TESMIN: variants seen among roughly 807,000 people sequenced by gnomAD.
TESMIN encodes testis expressed metallothionein like protein, also known as CXC domain containing 2.
In TESMIN, 34 loss-of-function variants were observed where a neutral mutation model predicts 47.4. That is an observed-to-expected ratio of 0.72 (90% CI 0.55 to 0.96). The LOEUF is 0.96. Among genes scored for constraint, TESMIN ranks in the 40% least tolerant of loss-of-function variants. The probability of loss-of-function intolerance (pLI) is 0.00; values close to 1 mark genes in which losing one functional copy is unlikely to be tolerated. For missense variants in TESMIN, 610 were observed against 637.2 expected (o/e 0.96, Z 0.46); for synonymous variants, 278 against 258.9 (o/e 1.07, Z -0.71).
chr11:68,706,045 A>G (rs1348702276), downstream of TESMIN, among the ~76,000 whole-genome samples: 1 of 142,606 alleles, frequency 7.0e-6, no homozygotes, highest in Non-Finnish European at 1.5e-5. Context: ...AAAAAAAAAA[A>G]GATATGGTTA....
intron 6 of TESMIN, chr11:68,732,716 T>G (rs557762083): frequency 5.8e-4 from 88 of 152,424 alleles, no homozygotes; most frequent in African/African-American, 1.7e-3. Flanking sequence ...GTATATGGCC[T>G]CGTAGACTAA....
At chr11:68,711,458 T>TGTGA (rs528173395) in intron 8 of TESMIN, among the ~76,000 whole-genome samples, 51 of 145,254 alleles carry the variant, frequency 3.5e-4, no homozygotes, top group African/African-American at 1.2e-3. Flanking sequence ...TGTGTGTGTG[T>TGTGA]GACCTGCAGT....
At chr11:68,733,639 T>G (rs1789931376) in intron 6 of TESMIN, 1 of 152,236 alleles carries the variant, frequency 6.6e-6, no homozygotes. Flanking sequence ...TAATGAAGGA[T>G]TTGTGATTAC....
downstream of TESMIN, among the ~76,000 whole-genome samples, chr11:68,704,964 G>A (rs1000865748): frequency 2.6e-5 from 4 of 152,166 alleles, no homozygotes; most frequent in Non-Finnish European, 5.9e-5. Context: ...GGCTGGGGCC[G>A]GGCAGTGCTC....
In TESMIN at chr11:68,710,544, A is replaced by G. The variant is rs149412116; in HGVS notation, c.1334+330T>C. 653 of 260,896 alleles carry G rather than the reference A, an allele frequency of 2.5e-3. 4 individuals are homozygous for G. Among genetic ancestry groups the G allele is most frequent in the African/African-American group, 0.014 (613 of 45,066 alleles). 16.2% of individuals were successfully genotyped at this position (260,896 alleles called of 1,614,324 possible). ...CTGCGCTGGGTCGTTGTGGCTCTAT[A>G]TTAACGCAAAGGCAGTGTCAGAACT... is the stretch of plus-strand genomic sequence containing the variant. On this transcript the variant is annotated intron_variant, in intron 9 of 9. Coordinates refer to ENST00000255087, the MANE Select transcript of TESMIN (RefSeq NM_004923.3).
Position 68,746,603 on chromosome 11 carries a change from C to G in TESMIN, c.630+605G>C, listed in dbSNP as rs140887406. Among the ~76,000 whole-genome samples, 474 of 152,330 alleles carry G rather than the reference C, an allele frequency of 3.1e-3. 2 individuals carry two copies. The highest frequency in any genetic ancestry group is 0.011 in the African/African-American group (455 of 41,554). ...GGAATGCTGTGGGCGACACTCTCCC[C>G]ATTCCTAGTCCTTGCCACGTGAGAT... On this transcript the variant is annotated intron_variant, in intron 3 of 9. Coordinates refer to ENST00000255087, the MANE Select transcript of TESMIN (RefSeq NM_004923.3).
intron 9 of TESMIN, 29 bp downstream of exon 9, chr11:68,710,845 A>G (rs879924948): frequency 5.7e-6 from 9 of 1,574,900 alleles, no homozygotes; most frequent in Non-Finnish European, 7.8e-6. Context: ...TGTTCCCTCT[A>G]TTAGCAGAGG....
At chr11:68,730,970 G>A (rs565813581) in intron 6 of TESMIN, among the ~76,000 whole-genome samples, 2 of 152,198 alleles carry the variant, frequency 1.3e-5, no homozygotes, top group South Asian at 4.2e-4. Flanking sequence ...AAAAGGTTGG[G>A]GTACATTGTT....
At chr11:68,735,399 C>A (rs944025844) in intron 6 of TESMIN, among the ~76,000 whole-genome samples, 1 of 152,172 alleles carries the variant, frequency 6.6e-6, no homozygotes, top group East Asian at 1.9e-4. Flanking sequence ...AGTGGGGACC[C>A]ACTGTAACTG....
chr11:68,705,574 C>A (rs1169730193), downstream of TESMIN, among the ~76,000 whole-genome samples: 1 of 152,180 alleles, frequency 6.6e-6, no homozygotes, highest in East Asian at 1.9e-4. Flanking sequence ...GCGATTTCAG[C>A]GCGTGTCATT....
intron 6 of TESMIN, among the ~76,000 whole-genome samples, chr11:68,716,170 T>C (rs1265777970): frequency 6.6e-6 from 1 of 152,252 alleles, no homozygotes; most frequent in Non-Finnish European, 1.5e-5. Context: ...TGTTTCATAA[T>C]ATAGGATTTT....
At chr11:68,718,391 C>T (rs573520359) in intron 6 of TESMIN, among the ~76,000 whole-genome samples, 1 of 152,082 alleles carries the variant, frequency 6.6e-6, no homozygotes, top group African/African-American at 2.4e-5. Flanking sequence ...TTAAAAATCT[C>T]AGGATATGAA....
intron 7 of TESMIN, among the ~76,000 whole-genome samples, chr11:68,714,256 C>A (rs915496512): frequency 1.3e-5 from 2 of 152,212 alleles, no homozygotes; most frequent in Non-Finnish European, 2.9e-5. Context: ...TGCTGGACAG[C>A]CCCAGCCTGC....
intron 6 of TESMIN, among the ~76,000 whole-genome samples, chr11:68,723,381 A>G (rs1006309686): frequency 1.3e-4 from 20 of 151,744 alleles, no homozygotes; most frequent in African/African-American, 4.6e-4. Flanking sequence ...AGCGGATGAT[A>G]GTGAAAGTAC....
chr11:68,748,023 C>T (rs779578496), intron 2 of TESMIN, among the ~76,000 whole-genome samples: 1 of 152,326 alleles, frequency 6.6e-6, no homozygotes. Flanking sequence ...GGGAAACCCA[C>T]GCTTTGCATC....
intron 9 of TESMIN, among the ~76,000 whole-genome samples, 185 bp from the exon 10 acceptor site, chr11:68,708,685 C>T (rs1166845503): frequency 6.6e-6 from 1 of 152,282 alleles, no homozygotes. Flanking sequence ...AATCCCAGCA[C>T]CTTGGGAGGC....
chr11:68,723,052 A>C (rs539546411), intron 6 of TESMIN, among the ~76,000 whole-genome samples: 17 of 152,212 alleles, frequency 1.1e-4, no homozygotes, highest in Non-Finnish European at 2.4e-4. Context: ...AAAATAAGCC[A>C]GTGAATGGAT....
intron 6 of TESMIN, among the ~76,000 whole-genome samples, chr11:68,731,217 T>C (rs897077139): frequency 6.6e-6 from 1 of 152,154 alleles, no homozygotes; most frequent in African/African-American, 2.4e-5. Context: ...TCACTTTCCA[T>C]GGAGCCTTGA....
intron 6 of TESMIN, among the ~76,000 whole-genome samples, chr11:68,720,909 T>C (rs574736863): frequency 6.6e-6 from 1 of 152,356 alleles, no homozygotes; most frequent in African/African-American, 2.4e-5. Context: ...ATGAATATAT[T>C]TCAGACTTTT....
Sources: allele counts gnomAD v4.1 joint callset (sites outside exome capture counted in the v4.1 genomes callset), GRCh38; gene constraint gnomAD v4.1.1; transcripts MANE v1.5; gene names NCBI Gene and HGNC (gene_info 2026-07-23, HGNC 2026-07-21).